Variants in KATNIP observed in about 807,000 individuals in gnomAD.
KATNIP encodes katanin interacting protein.
KATNIP carries 126 observed loss-of-function variants against 174.0 expected under a neutral mutation model. The ratio of observed to expected loss-of-function variants is 0.72; its 90% CI spans 0.63 to 0.84. The LOEUF (loss-of-function observed/expected upper bound fraction) is 0.84. Ranked by LOEUF, KATNIP falls within the 40% of genes least tolerant of loss-of-function variation. The probability of loss-of-function intolerance (pLI) is 0.00; values close to 1 mark genes in which losing one functional copy is unlikely to be tolerated. For missense variants in KATNIP, 1,958 were observed against 2,109.7 expected, an observed-to-expected ratio of 0.93 and a Z score of 1.41; for synonymous variants, 810 against 835.7, an observed-to-expected ratio of 0.97 and a Z score of 0.53.
chr16:27,600,905 A>AT (rs1214579094), intron 2 of KATNIP, among the ~76,000 whole-genome samples: 4 of 151,382 alleles, frequency 2.6e-5, no homozygotes, highest in African/African-American at 7.3e-5. Flanking sequence ...AATTTTTTGT[A>AT]TTTTTTTAGT....
chr16:27,687,868 A>G (rs1424249933), intron 8 of KATNIP, among the ~76,000 whole-genome samples: 1 of 152,194 alleles, frequency 6.6e-6, no homozygotes, highest in African/African-American at 2.4e-5. Context: ...CAACAGCAAG[A>G]CCATTCTGCC....
intron 12 of KATNIP, among the ~76,000 whole-genome samples, chr16:27,707,385 C>G (rs1653759414): frequency 6.6e-6 from 1 of 152,196 alleles, no homozygotes; most frequent in South Asian, 2.1e-4. Context: ...TCAGAGCAGA[C>G]AGCCGACGCA....
chr16:27,775,018 C>A lies in KATNIP; in HGVS notation c.4383C>A (p.Leu1461=). ...GGGACGTCCGCACCCCAGACAAGCT[C>A]ATCGACCAAGTGAACGACACCAGTG... ...VGGDVRTPDK[L]IDQVNDTSDG... The change falls in exon 24 of 28, where the codon CTC becomes CTA. Residue 1461 remains leucine, a synonymous_variant. Transcript: ENST00000261588. 4 of 1,613,754 alleles carry A rather than the reference C, an allele frequency of 2.5e-6. No homozygotes were observed. Among genetic ancestry groups the A allele is most frequent in the Non-Finnish European group, 3.4e-6 (4 of 1,179,892 alleles).
intron 1 of KATNIP, among the ~76,000 whole-genome samples, chr16:27,566,570 T>G (rs1341494921): frequency 8.2e-4 from 109 of 132,790 alleles, no homozygotes; most frequent in Middle Eastern, 3.8e-3. Flanking sequence ...GGTATGGGGG[T>G]GGGGGTAGTA....
chr16:27,591,794 T>G (rs2075177535), intron 2 of KATNIP, among the ~76,000 whole-genome samples: 1 of 152,208 alleles, frequency 6.6e-6, no homozygotes, highest in Non-Finnish European at 1.5e-5. Context: ...TACCATAATG[T>G]TAGCTCATAC....
At chr16:27,679,958 T>C (rs1597151633) in intron 7 of KATNIP, among the ~76,000 whole-genome samples, 1 of 151,970 alleles carries the variant, frequency 6.6e-6, no homozygotes, top group Non-Finnish European at 1.5e-5. Flanking sequence ...GAAACCTGGC[T>C]CTCTGCTTTT....
At chr16:27,747,057 G>C (rs556635481) in intron 15 of KATNIP, among the ~76,000 whole-genome samples, 1 of 152,220 alleles carries the variant, frequency 6.6e-6, no homozygotes, top group Non-Finnish European at 1.5e-5. Context: ...GTTAAGCAGG[G>C]CCTGCCTGGG....
chr16:27,771,169 T>C (rs910294977), intron 21 of KATNIP, among the ~76,000 whole-genome samples: 1 of 151,576 alleles, frequency 6.6e-6, no homozygotes, highest in African/African-American at 2.4e-5. Flanking sequence ...ATAGAGGGGG[T>C]TGGTTAAGAA....
At chr16:27,692,595 C>T (rs2078773789) in intron 8 of KATNIP, among the ~76,000 whole-genome samples, 2 of 152,116 alleles carry the variant, frequency 1.3e-5, no homozygotes, top group Admixed American at 6.5e-5. Context: ...CAGGGCCTGG[C>T]ACCTGCTGTT....
chr16:27,753,163 G>A (rs924745141), intron 17 of KATNIP, among the ~76,000 whole-genome samples: 3 of 152,058 alleles, frequency 2.0e-5, no homozygotes, highest in Non-Finnish European at 4.4e-5. Context: ...TAAGGAAAGC[G>A]GCCACCAAGA....
intron 19 of KATNIP, among the ~76,000 whole-genome samples, chr16:27,763,267 T>C (rs1171681296): frequency 6.7e-6 from 1 of 148,510 alleles, no homozygotes; most frequent in Non-Finnish European, 1.5e-5. Flanking sequence ...CTGGGCAACA[T>C]AGTGAGACTA....
chr16:27,639,811 GA>G (rs1200352576), intron 5 of KATNIP, among the ~76,000 whole-genome samples: 2 of 152,208 alleles, frequency 1.3e-5, no homozygotes, highest in Non-Finnish European at 2.9e-5. Context: ...CCTTTCCAGT[GA>G]CCTTGCACAA....
intron 6 of KATNIP, among the ~76,000 whole-genome samples, chr16:27,672,636 CTG>C (rs1313835020): frequency 6.6e-6 from 1 of 152,184 alleles, no homozygotes; most frequent in African/African-American, 2.4e-5. Context: ...GCAAGAGAGT[CTG>C]TGTTATGCGT....
chr16:27,596,662 C>G (rs2075344665), intron 2 of KATNIP, among the ~76,000 whole-genome samples: 1 of 152,122 alleles, frequency 6.6e-6, no homozygotes, highest in African/African-American at 2.4e-5. Flanking sequence ...TGTTTTCGTG[C>G]ATTACTTGCC....
chr16:27,649,391 A>G (rs999751639), intron 6 of KATNIP, among the ~76,000 whole-genome samples: 1 of 152,228 alleles, frequency 6.6e-6, no homozygotes, highest in Non-Finnish European at 1.5e-5. Flanking sequence ...CCTTCCTTCC[A>G]CAAGCATTTG....
In KATNIP at chr16:27,698,330, C is replaced by T. The variant is rs1421493855; in HGVS notation, c.943C>T (p.Pro315Ser). ...GTCCCCCTGTCTTCTGCCCTCAGGA[C>T]CTGGAAGCCGGCGAGAGAGACCCCT... ...FPDQERMCSR[P>S]GSRRERPLSA... is the part of the protein sequence containing the mutation. The change falls in exon 9 of 28, where the codon CCT (proline) becomes TCT (serine). Residue 315 changes from proline (P) to serine (S), a missense_variant and splice_region_variant. Around this residue, in one of 3 missense-constraint regions of KATNIP, gnomAD observed 1,557 missense variants for 1,617.8 expected, o/e 0.96. Transcript: ENST00000261588. 4 of 1,607,654 alleles carry T rather than the reference C, an allele frequency of 2.5e-6. No homozygotes were observed. The African/African-American group carries it at 4.0e-5, about 16-fold the overall frequency.
chr16:27,557,685 C>T (rs1467209118), intron 1 of KATNIP, among the ~76,000 whole-genome samples: 1 of 152,106 alleles, frequency 6.6e-6, no homozygotes, highest in East Asian at 1.9e-4. Context: ...ACCTTGGCCT[C>T]CCAAGTTGCT....
At chr16:27,607,934 C>T (rs948667659) in intron 2 of KATNIP, among the ~76,000 whole-genome samples, 2 of 152,158 alleles carry the variant, frequency 1.3e-5, no homozygotes, top group African/African-American at 2.4e-5. Context: ...AGTGTTATCC[C>T]GTCTAAGTGA....
At chr16:27,743,320 G>C (rs181539279) in intron 15 of KATNIP, among the ~76,000 whole-genome samples, 1 of 151,902 alleles carries the variant, frequency 6.6e-6, no homozygotes, top group Admixed American at 6.6e-5. Context: ...GATTCAAATC[G>C]GCATCTTCTG....
Sources: allele counts gnomAD v4.1 joint callset (sites outside exome capture counted in the v4.1 genomes callset), GRCh38; gene constraint gnomAD v4.1.1; regional missense constraint gnomAD v4.1.1; transcripts MANE v1.5; gene names NCBI Gene and HGNC (gene_info 2026-07-23, HGNC 2026-07-21).